The following PARD3 variants were observed in gnomAD, a reference collection of about 807,000 sequenced individuals.
The protein encoded by PARD3 is partitioning defective 3 homolog.
A neutral mutation model predicts 155.4 loss-of-function variants in PARD3; 75 were observed. That is an observed-to-expected ratio of 0.48 (90% CI 0.40 to 0.58). The LOEUF is 0.58. PARD3 is among the 20% of genes least tolerant of loss of function. The pLI, the probability that PARD3 is intolerant of heterozygous loss-of-function variation, is 0.00. For synonymous variants in PARD3, 576 were observed against 610.5 expected (o/e 0.94, Z 0.83); for missense variants, 1,642 against 1,721.7 (o/e 0.95, Z 0.82).
chr10:34,611,929 C>CG (rs1456113938), intron 2 of PARD3, among the ~76,000 whole-genome samples: 1 of 99,842 alleles, frequency 1.0e-5, no homozygotes, highest in Non-Finnish European at 2.2e-5. Flanking sequence ...CCTGCCTCAG[C>CG]GCCCCCCCTA....
At chr10:34,556,687 C>A (rs183871534) in intron 2 of PARD3, among the ~76,000 whole-genome samples, 1 of 152,212 alleles carries the variant, frequency 6.6e-6, no homozygotes, top group East Asian at 1.9e-4. Context: ...CAGCCCAATT[C>A]CTTTGCTTAA....
chr10:34,143,967 A>G (rs1165166004), intron 22 of PARD3, among the ~76,000 whole-genome samples: 1 of 151,810 alleles, frequency 6.6e-6, no homozygotes, highest in East Asian at 1.9e-4. Flanking sequence ...TTTTTTTTCT[A>G]TTTACAACTT....
chr10:34,541,619 T>C (rs1319755515), intron 2 of PARD3, among the ~76,000 whole-genome samples: 1 of 152,204 alleles, frequency 6.6e-6, no homozygotes, highest in Non-Finnish European at 1.5e-5. Context: ...TGTCAGATTA[T>C]AGGGAGGAGG....
chr10:34,777,970 C>T (rs751274464), intron 1 of PARD3, among the ~76,000 whole-genome samples: 1 of 152,200 alleles, frequency 6.6e-6, no homozygotes, highest in East Asian at 1.9e-4. Flanking sequence ...GTTACCACCA[C>T]ATCCACGGCT....
chr10:34,333,331 G>A (rs1961976), intron 18 of PARD3, among the ~76,000 whole-genome samples: 90,899 of 151,940 alleles, frequency 0.6, 29,247 homozygotes, highest in African/African-American at 0.86. Flanking sequence ...AGTATTCATT[G>A]AAATTGAGTG....
At chr10:34,583,690 A>C (rs1322116419) in intron 2 of PARD3, among the ~76,000 whole-genome samples, 1 of 152,204 alleles carries the variant, frequency 6.6e-6, no homozygotes, top group Non-Finnish European at 1.5e-5. Context: ...TACTGCACAG[A>C]TGAAATAAGA....
intron 1 of PARD3, among the ~76,000 whole-genome samples, chr10:34,781,903 A>G (rs780041831): frequency 3.2e-4 from 48 of 152,226 alleles, no homozygotes; most frequent in Non-Finnish European, 5.6e-4. Flanking sequence ...GGCAGTGGAA[A>G]TGTTCTTGAA....
In PARD3 at chr10:34,689,148, TC is replaced by T. The variant is rs377429744; in HGVS notation, c.222+7169del. 1.7e-3 allele frequency among the ~76,000 whole-genome samples: 257 copies of T among 152,364 alleles called. 2 individuals are homozygous for T. The highest frequency in any genetic ancestry group is 6.0e-3 in the African/African-American group (249 of 41,592). On this transcript the variant is annotated intron_variant, in intron 2 of 24. Transcript: ENST00000374788. ...TATTTAAGAGAGGTATAATGCTTGT[TC>T]TTTTTTCCTTAAACCAAAAAGCAAA...
At chr10:34,780,189 A>G (rs2134162141) in intron 1 of PARD3, among the ~76,000 whole-genome samples, 1 of 152,328 alleles carries the variant, frequency 6.6e-6, no homozygotes, top group East Asian at 1.9e-4. Context: ...TTTGCTCTTG[A>G]CACAACTAAC....
intron 22 of PARD3, among the ~76,000 whole-genome samples, chr10:34,199,106 A>G (rs1355991802): frequency 6.6e-6 from 1 of 152,146 alleles, no homozygotes; most frequent in African/African-American, 2.4e-5. Context: ...GGATCCAATA[A>G]GATGGAGCTC....
At chr10:34,176,951 G>A (rs958891541) in intron 22 of PARD3, among the ~76,000 whole-genome samples, 5 of 53,174 alleles carry the variant, frequency 9.4e-5, no homozygotes, top group Admixed American at 8.6e-4. Flanking sequence ...AGCAGGTTGT[G>A]TGTGTGTGTG....
In PARD3 at chr10:34,142,417, C is replaced by T. The variant is rs567529781; in HGVS notation, c.3420-10834G>A. Among the ~76,000 whole-genome samples, 3 of 151,594 alleles carry T rather than the reference C, an allele frequency of 2.0e-5. No homozygotes were observed. The East Asian group carries it at 5.8e-4, about 29-fold the overall frequency. ...AGCTGGGTGTGGTGGTGCGTGTAGGCCCAGCTACTTGGAAGGCTGAAGCAG... is the reference window on the plus strand; with the variant it reads ...AGCTGGGTGTGGTGGTGCGTGTAGGTCCAGCTACTTGGAAGGCTGAAGCAG... On this transcript the variant is annotated intron_variant, in intron 22 of 24. Transcript: ENST00000374788.
At chr10:34,349,105 G>T (rs933412638) in intron 14 of PARD3, among the ~76,000 whole-genome samples, 1 of 152,148 alleles carries the variant, frequency 6.6e-6, no homozygotes, top group Non-Finnish European at 1.5e-5. Flanking sequence ...GGGCCAATGT[G>T]GGGGAGTGGG....
chr10:34,798,861 C>G (rs542656954), intron 1 of PARD3, among the ~76,000 whole-genome samples: 21 of 152,302 alleles, frequency 1.4e-4, no homozygotes, highest in African/African-American at 5.1e-4. Context: ...AATGCAACAA[C>G]TCCAAAAGGT....
At chr10:34,148,156 A>T (rs1436851855) in intron 22 of PARD3, among the ~76,000 whole-genome samples, 2 of 152,178 alleles carry the variant, frequency 1.3e-5, no homozygotes, top group Non-Finnish European at 1.5e-5. Flanking sequence ...ACAGGCATAG[A>T]TTTAGATATA....
chr10:34,222,882 T>C (rs1485572785), intron 22 of PARD3, among the ~76,000 whole-genome samples: 4 of 152,236 alleles, frequency 2.6e-5, no homozygotes, highest in African/African-American at 9.6e-5. Context: ...GGACACTCTC[T>C]GCTCCCATCC....
At chr10:34,224,806 C>G (rs1952504042) in intron 22 of PARD3, among the ~76,000 whole-genome samples, 2 of 152,130 alleles carry the variant, frequency 1.3e-5, no homozygotes, top group South Asian at 4.1e-4. Context: ...TTCATTAGGC[C>G]TGGAGCACTT....
chr10:34,427,701 CA>C (rs1387442695), intron 5 of PARD3, among the ~76,000 whole-genome samples: 1 of 152,188 alleles, frequency 6.6e-6, no homozygotes, highest in Non-Finnish European at 1.5e-5. Context: ...CTTTACCGCT[CA>C]GGGGGCATCA....
intron 22 of PARD3, among the ~76,000 whole-genome samples, chr10:34,264,856 C>G (rs1955216289): frequency 6.6e-6 from 1 of 151,748 alleles, no homozygotes; most frequent in Admixed American, 6.6e-5. Context: ...TTCAAGTGAT[C>G]CTCCTGCCCT....
Sources: allele counts gnomAD v4.1 joint callset (sites outside exome capture counted in the v4.1 genomes callset), GRCh38; gene constraint gnomAD v4.1.1; transcripts MANE v1.5; gene names NCBI Gene and HGNC (gene_info 2026-07-23, HGNC 2026-07-21).